Variants in GPRIN3 observed in about 807,000 individuals in gnomAD.
GPRIN3 encodes G protein-regulated inducer of neurite outgrowth 3.
In GPRIN3, 12 loss-of-function variants were observed where a neutral mutation model predicts 13.7. The ratio of observed to expected loss-of-function variants is 0.87; its 90% CI spans 0.56 to 1.42. The LOEUF is 1.42. Ranked by LOEUF, GPRIN3 falls within the 40% of genes most tolerant of loss-of-function variation. The pLI, the probability that GPRIN3 is intolerant of heterozygous loss-of-function variation, is 0.00. For missense variants in GPRIN3, 1,009 were observed against 958.7 expected (o/e 1.05, Z -0.69); for synonymous variants, 377 against 372.7 (o/e 1.01, Z -0.13).
chr4:89,287,543 G>A lies in GPRIN3; in HGVS notation c.-124+20072C>T, dbSNP rs187619160. On this transcript the variant is annotated intron_variant, in intron 1 of 1. Coordinates refer to ENST00000609438, the MANE Select transcript of GPRIN3 (RefSeq NM_198281.3). ...GGCAGGGAGGTACAGACTTACTGTG[G>A]TCCCTGTGGTACACTGTTACCTGGA... Among the ~76,000 whole-genome samples, 132 of 152,282 alleles carry A rather than the reference G, an allele frequency of 8.7e-4. 1 individual carries two copies. The highest frequency in any genetic ancestry group is 1.4e-3 in the Non-Finnish European group (92 of 68,030).
chr4:89,250,462 GT>G (rs1723297661), intron 1 of GPRIN3: 1 of 172,398 alleles, frequency 5.8e-6, no homozygotes, highest in Non-Finnish European at 1.2e-5. Flanking sequence ...TGATATATTA[GT>G]TTCTGCTTGC....
chr4:89,279,174 A>G (rs1182959613), intron 1 of GPRIN3, among the ~76,000 whole-genome samples: 1 of 152,234 alleles, frequency 6.6e-6, no homozygotes, highest in Admixed American at 6.5e-5. Context: ...TGCCCATTAC[A>G]TGAAGCATGA....
chr4:89,244,492 T>C lies in GPRIN3; in HGVS notation c.*3288A>G, dbSNP rs1020981949. ...TGAACAAAAAGGTTTCTGGTTAACA[T>C]TGACTTATCAGGATGTTCAACTTTT... On this transcript the variant is annotated 3_prime_UTR_variant, in exon 2 of 2. Coordinates refer to ENST00000609438, the MANE Select transcript of GPRIN3 (RefSeq NM_198281.3). 3 of 152,216 alleles carry C rather than the reference T, an allele frequency of 2.0e-5. No individual in the cohort carries two copies. The highest frequency in any genetic ancestry group is 2.9e-5 in the Non-Finnish European group (2 of 68,028). The allele number at this position is 152,216 out of a possible 1,614,324, so 9.4% of individuals were successfully genotyped here. A position where few individuals can be genotyped will look rare whatever the true frequency, so the allele number is the denominator to read the frequency against.
In GPRIN3 at chr4:89,248,095, C is replaced by G. The variant is rs202009804; in HGVS notation, c.2016G>C (p.Lys672Asn). 3.1e-6 allele frequency: 5 copies of G among 1,614,056 alleles called. No homozygotes were observed. Among genetic ancestry groups the G allele is most frequent in the Non-Finnish European group, 4.2e-6 (5 of 1,180,022 alleles). The part of the protein sequence containing the change: ...DKKKQLGADS[K>N]LQLKQSKRVR... ...CACGCTTGGACTGTTTCAGCTGGAG[C>G]TTGGAGTCTGCGCCAAGCTGCTTTT... is the stretch of plus-strand genomic sequence containing the variant. Residue 672 changes from lysine (K) to asparagine (N), a missense_variant, in exon 2 of 2, where the codon AAG (lysine) becomes AAC (asparagine). Transcript: ENST00000609438.
chr4:89,303,847 C>T (rs146765072), intron 1 of GPRIN3, among the ~76,000 whole-genome samples: 87 of 150,246 alleles, frequency 5.8e-4, no homozygotes, highest in Non-Finnish European at 1.2e-3. Context: ...TATAACATCA[C>T]GTTGTATACT....
chr4:89,252,429 A>G (rs1723353937), intron 1 of GPRIN3, among the ~76,000 whole-genome samples: 1 of 152,184 alleles, frequency 6.6e-6, no homozygotes, highest in African/African-American at 2.4e-5. Flanking sequence ...AAATTAACTC[A>G]CTGGCAAAAT....
chr4:89,274,590 A>G (rs1724043692), intron 1 of GPRIN3, among the ~76,000 whole-genome samples: 1 of 152,248 alleles, frequency 6.6e-6, no homozygotes, highest in Non-Finnish European at 1.5e-5. Context: ...AAGGCAACAC[A>G]GGGCAATGGG....
At chr4:89,288,774 A>C (rs1226881631) in intron 1 of GPRIN3, among the ~76,000 whole-genome samples, 2 of 152,210 alleles carry the variant, frequency 1.3e-5, no homozygotes, top group African/African-American at 4.8e-5. Context: ...TAACCCTCAC[A>C]AGATCTGGGT....
intron 1 of GPRIN3, among the ~76,000 whole-genome samples, chr4:89,280,918 A>T (rs1244701174): frequency 6.6e-6 from 1 of 152,188 alleles, no homozygotes; most frequent in East Asian, 1.9e-4. Flanking sequence ...CTATAAAGGA[A>T]TAGCTGAGAC....
At chr4:89,272,135 T>G (rs1230333605) in intron 1 of GPRIN3, among the ~76,000 whole-genome samples, 1 of 152,112 alleles carries the variant, frequency 6.6e-6, no homozygotes. Context: ...AGCTATGCAG[T>G]CTGTGGTATT....
rs1723239427 is a variant in GPRIN3 at position 89,249,320 on chromosome 4, G to T, written c.791C>A (p.Thr264Lys). 1 of 1,614,158 alleles carries T rather than the reference G, an allele frequency of 6.2e-7. No individual in the cohort carries two copies. The highest frequency in any genetic ancestry group is 8.5e-7 in the Non-Finnish European group (1 of 1,180,026). The change falls in exon 2 of 2, where the codon ACA becomes AAA. Residue 264 changes from threonine (T) to lysine (K), a missense_variant. Transcript: ENST00000609438. The part of the protein sequence containing the change: ...ASGPQGTTSV[T>K]PQPTPLTSEP... ...GCTAGTGAGGGGGGTTGGTTGAGGT[G>T]TCACAGAAGTTGTGCCTTGGGGGCC...
intron 1 of GPRIN3, among the ~76,000 whole-genome samples, chr4:89,286,160 A>C (rs1724409001): frequency 6.6e-6 from 1 of 151,940 alleles, no homozygotes; most frequent in Admixed American, 6.6e-5. Flanking sequence ...TAAGAAAAAT[A>C]ATGCTTGAGG....
chr4:89,281,157 C>T (rs1724239523), intron 1 of GPRIN3, among the ~76,000 whole-genome samples: 1 of 151,630 alleles, frequency 6.6e-6, no homozygotes, highest in South Asian at 2.1e-4. Context: ...GAGTCTCGCT[C>T]TTGTCACCCA....
At chr4:89,252,300 T>C (rs13126986) in intron 1 of GPRIN3, among the ~76,000 whole-genome samples, 76,784 of 151,940 alleles carry the variant, frequency 0.51, 19,759 homozygotes, top group South Asian at 0.71. Flanking sequence ...AAAGAATAAC[T>C]AGACACTAGG....
rs577925924 is a variant in GPRIN3, at chr4:89,243,368, G to A, written c.*4412C>T. 2 of 152,274 alleles carry A rather than the reference G, an allele frequency of 1.3e-5. No individual in the cohort carries two copies. The highest frequency in any genetic ancestry group is 4.8e-5 in the African/African-American group (2 of 41,564). 9.4% of individuals were successfully genotyped at this position (152,274 alleles called of 1,614,324 possible). The stretch of plus-strand genomic sequence containing the variant: ...TTCATTAAGAAGGATATCGTTACAA[G>A]GATGGACAGGAGATTCAGCATATCC... On this transcript the variant is annotated 3_prime_UTR_variant, in exon 2 of 2. Coordinates refer to ENST00000609438, the MANE Select transcript of GPRIN3 (RefSeq NM_198281.3).
At chr4:89,270,463 T>A (rs1273642492) in intron 1 of GPRIN3, among the ~76,000 whole-genome samples, 1 of 149,756 alleles carries the variant, frequency 6.7e-6, no homozygotes, top group Non-Finnish European at 1.5e-5. Context: ...CTTTCAACTG[T>A]ACTCTTTTTC....
chr4:89,306,058 G>GTT (rs546254479), intron 1 of GPRIN3, among the ~76,000 whole-genome samples: 3 of 149,130 alleles, frequency 2.0e-5, no homozygotes, highest in Non-Finnish European at 4.5e-5. Flanking sequence ...TGCAATTGCT[G>GTT]TTTTTTTTTT....
In GPRIN3 at chr4:89,238,461, G is replaced by A. The variant is rs536343163; in HGVS notation, c.*9319C>T. 2.7e-4 allele frequency: 41 copies of A among 152,258 alleles called. No individual in the cohort carries two copies. Among genetic ancestry groups the A allele is most frequent in the African/African-American group, 8.9e-4 (37 of 41,522 alleles). 9.4% of individuals were successfully genotyped at this position (152,258 alleles called of 1,614,324 possible). On this transcript the variant is annotated 3_prime_UTR_variant, in exon 2 of 2. Coordinates refer to ENST00000609438, the MANE Select transcript of GPRIN3 (RefSeq NM_198281.3). Reference sequence around the variant, plus strand: ...TATATAGGGTACACCTGATGGCTCTGGGTAAGAGGCATCTAAGCCTGGACA... The same window carrying A: ...TATATAGGGTACACCTGATGGCTCTAGGTAAGAGGCATCTAAGCCTGGACA...
intron 1 of GPRIN3, among the ~76,000 whole-genome samples, chr4:89,284,216 G>A (rs968170473): frequency 1.3e-5 from 2 of 152,208 alleles, no homozygotes; most frequent in African/African-American, 4.8e-5. Flanking sequence ...GAATGGGTGG[G>A]TGGAAGAGGC....
Sources: allele counts gnomAD v4.1 joint callset (sites outside exome capture counted in the v4.1 genomes callset), GRCh38; gene constraint gnomAD v4.1.1; transcripts MANE v1.5; gene names NCBI Gene and HGNC (gene_info 2026-07-23, HGNC 2026-07-21).